Variants in TRANK1 observed in about 807,000 individuals in gnomAD.
TRANK1 encodes the protein TPR and ankyrin repeat-containing protein 1.
In TRANK1, 198 loss-of-function variants were observed where a neutral mutation model predicts 266.0. That is an observed-to-expected ratio of 0.74 (90% confidence interval 0.66 to 0.84). The LOEUF is 0.84. Among genes scored for constraint, TRANK1 ranks in the 40% least tolerant of loss-of-function variants. The probability of loss-of-function intolerance (pLI) is 0.00; values close to 1 mark genes in which losing one functional copy is unlikely to be tolerated. For synonymous variants in TRANK1, 1,396 were observed against 1,384.1 expected (o/e 1.01, Z -0.19); for missense variants, 3,326 against 3,634.6 (o/e 0.92, Z 2.18).
chr3:36,944,691 G>A, intron 1 of TRANK1, 96 bp downstream of exon 1: 8 of 1,418,052 alleles, frequency 5.6e-6, no homozygotes, highest in South Asian at 3.9e-5. Flanking sequence ...CGCTACCTCA[G>A]GGTCGCCAGT....
intron 10 of TRANK1, among the ~76,000 whole-genome samples, chr3:36,861,570 T>TGA (rs1409253399): frequency 6.6e-6 from 1 of 152,164 alleles, no homozygotes; most frequent in African/African-American, 2.4e-5. Flanking sequence ...AAGGTAACCA[T>TGA]GAGAGGATGG....
At chr3:36,849,185 C>G (rs1160276105) in intron 15 of TRANK1, among the ~76,000 whole-genome samples, 2 of 152,076 alleles carry the variant, frequency 1.3e-5, no homozygotes, top group East Asian at 1.9e-4. Context: ...AATTAGACAA[C>G]CCATAAAGGT....
chr3:36,919,605 T>C (rs779111718), intron 1 of TRANK1, among the ~76,000 whole-genome samples: 4 of 152,328 alleles, frequency 2.6e-5, no homozygotes, highest in South Asian at 4.1e-4. Flanking sequence ...TGTCTTTCAG[T>C]GAGTTATTTG....
intron 8 of TRANK1, among the ~76,000 whole-genome samples, chr3:36,884,189 A>C (rs535543371): frequency 7.2e-5 from 11 of 152,374 alleles, no homozygotes; most frequent in Middle Eastern, 3.4e-3. Flanking sequence ...GCAGAGAGAT[A>C]CAATAATACA....
chr3:36,887,161 C>T (rs1559454130), intron 8 of TRANK1, among the ~76,000 whole-genome samples: 1 of 151,926 alleles, frequency 6.6e-6, no homozygotes, highest in African/African-American at 2.4e-5. Context: ...GGTAGAGATA[C>T]GTAAAGAGGG....
intron 10 of TRANK1, among the ~76,000 whole-genome samples, chr3:36,862,422 T>C (rs2079155027): frequency 6.6e-6 from 1 of 152,222 alleles, no homozygotes; most frequent in South Asian, 2.1e-4. Flanking sequence ...TAGTCTATCA[T>C]CTTATTTTAA....
chr3:36,939,717 CT>C (rs757885944), intron 1 of TRANK1, among the ~76,000 whole-genome samples: 84 of 152,332 alleles, frequency 5.5e-4, no homozygotes, highest in Non-Finnish European at 1.0e-3. Context: ...ACAAAAAACA[CT>C]GCTGCCCCTT....
In TRANK1 at chr3:36,856,066, G is replaced by A. The variant is rs1451222470; in HGVS notation, c.3656C>T (p.Thr1219Ile). The change falls in exon 13 of 24, where the codon ACT becomes ATT. Residue 1219 changes from threonine to isoleucine, a missense_variant. Coordinates refer to ENST00000645898, the MANE Select transcript of TRANK1 (RefSeq NM_001329998.2). ...GGGGTCCAGTGGTTTGTAATGACTA[G>A]TGGCCTTGGTGGACTTGGAAAGCTC... is the stretch of plus-strand genomic sequence containing the variant. ...FIELSKSTKA[T>I]SHYKPLDPNI... The A allele has an allele frequency of 6.2e-7, 1 of 1,613,844 alleles. No individual in the cohort carries two copies. The highest frequency in any genetic ancestry group is 8.5e-7 in the Non-Finnish European group (1 of 1,179,874).
intron 2 of TRANK1, 82 bp from the exon 3 acceptor site, chr3:36,903,357 G>A: frequency 1.4e-6 from 2 of 1,467,490 alleles, no homozygotes; most frequent in Non-Finnish European, 1.8e-6. Context: ...GGTGCTGGCT[G>A]CTGCCATCAG....
chr3:36,926,162 C>A (rs2080285802), intron 1 of TRANK1, among the ~76,000 whole-genome samples: 1 of 152,128 alleles, frequency 6.6e-6, no homozygotes, highest in Admixed American at 6.6e-5. Context: ...CTTTACAGCC[C>A]TTCTTCTTTC....
rs1420312871 is a variant in TRANK1, at chr3:36,834,614, C to T, written c.5663+148G>A. The T allele has an allele frequency of 8.6e-6, 7 of 818,704 alleles. No individual in the cohort carries two copies. In the African/African-American group the frequency reaches 1.0e-4, roughly 12 times the overall value. 50.7% of individuals were successfully genotyped at this position (818,704 alleles called of 1,614,324 possible). A position where few individuals can be genotyped will look rare whatever the true frequency, so the allele number is the denominator to read the frequency against. ...AGTCCTGCTCTCAAAGAGCTGCTGA[C>T]CCAGCACTGAGGCCATCGCTTAAGT... On this transcript the variant is annotated intron_variant, in intron 21 of 23. Transcript: ENST00000645898.
chr3:36,833,209 T>G lies in TRANK1; in HGVS notation c.6374A>C (p.Lys2125Thr). The change falls in exon 22 of 24, where the codon AAG (lysine) becomes ACG (threonine). Residue 2125 changes from lysine to threonine, a missense_variant. Lys to Thr is a moderately conservative substitution (Grantham distance 78). Coordinates refer to ENST00000645898, the MANE Select transcript of TRANK1 (RefSeq NM_001329998.2). Reference protein sequence around the residue: ...EFFGISQVDAKYCQIAQNDPG... With the variant: ...EFFGISQVDATYCQIAQNDPG... ...GTCATTCTGAGCTATCTGGCAATAC[T>G]TGGCATCCACCTGGGAAATCCCAAA... The G allele has an allele frequency of 6.2e-7, 1 of 1,614,028 alleles. No individual in the cohort carries two copies. The highest frequency in any genetic ancestry group is 8.5e-7 in the Non-Finnish European group (1 of 1,179,880).
At chr3:36,917,968 A>T (rs1019617478) in intron 1 of TRANK1, among the ~76,000 whole-genome samples, 21 of 152,246 alleles carry the variant, frequency 1.4e-4, no homozygotes, top group African/African-American at 5.1e-4. Context: ...ACCCTAGAGG[A>T]AATTGAGGGA....
At chr3:36,878,386 C>G (rs1350493654) in intron 8 of TRANK1, among the ~76,000 whole-genome samples, 1 of 152,206 alleles carries the variant, frequency 6.6e-6, no homozygotes, top group Admixed American at 6.5e-5. Context: ...CTTTAGATTA[C>G]AAGACTTGGT....
In TRANK1 at chr3:36,856,832, G is replaced by A. The variant is rs543169267; in HGVS notation, c.2890C>T (p.Arg964Trp). Reference sequence around the variant, plus strand: ...TTCCGCAGGACACAGGACAAGCCCCGGTTGTAGGCATTGCAGATGGCCTTG... The same window carrying A: ...TTCCGCAGGACACAGGACAAGCCCCAGTTGTAGGCATTGCAGATGGCCTTG... ...SIKAICNAYN[R>W]GLSCVLRKKL... Residue 964 changes from arginine (R) to tryptophan (W), a missense_variant, in exon 13 of 24, where the codon CGG becomes TGG. Transcript: ENST00000645898. The A allele has an allele frequency of 3.6e-5, 58 of 1,614,006 alleles. 1 individual carries two copies. Among genetic ancestry groups the A allele is most frequent in the East Asian group, 6.7e-5 (3 of 44,888 alleles).
At position 36,855,825 on chromosome 3, in the gene TRANK1, C is replaced by T; in HGVS notation, c.3897G>A (p.Gly1299=). The change falls in exon 13 of 24, where the codon GGG becomes GGA. Residue 1299 remains glycine, a synonymous_variant. Coordinates refer to ENST00000645898, the MANE Select transcript of TRANK1 (RefSeq NM_001329998.2). ...CAGCTTTATCCTCCTCACTGTAGTC[C>T]CCATCCACCTCAGCCTCCTCTTCAT... The part of the protein sequence containing the change: ...QEDEEEAEVD[G]DYSEEDKAVE... 6.2e-7 allele frequency: 1 copy of T among 1,613,638 alleles called. No individual in the cohort carries two copies. Among genetic ancestry groups the T allele is most frequent in the Non-Finnish European group, 8.5e-7 (1 of 1,179,810 alleles).
intron 1 of TRANK1, among the ~76,000 whole-genome samples, chr3:36,918,057 A>G (rs556436367): frequency 6.6e-6 from 1 of 152,296 alleles, no homozygotes; most frequent in Non-Finnish European, 1.5e-5. Context: ...CATACAGTGG[A>G]GTACTATTTA....
chr3:36,859,658 C>A (rs2079108043), intron 11 of TRANK1, among the ~76,000 whole-genome samples: 1 of 152,170 alleles, frequency 6.6e-6, no homozygotes, highest in Non-Finnish European at 1.5e-5. Flanking sequence ...GGCAGACCCA[C>A]CCACTATAGA....
chr3:36,842,522 G>A lies in TRANK1; in HGVS notation c.5280+100C>T, dbSNP rs772791025. The A allele has an allele frequency of 2.8e-5, 29 of 1,031,540 alleles. 1 individual carries two copies. The highest frequency in any genetic ancestry group is 8.2e-5 in the South Asian group (6 of 73,292). 63.9% of individuals were successfully genotyped at this position (1,031,540 alleles called of 1,614,324 possible). A position where few individuals can be genotyped will look rare whatever the true frequency, so the allele number is the denominator to read the frequency against. On this transcript the variant is annotated intron_variant, in intron 18 of 23. Coordinates refer to ENST00000645898, the MANE Select transcript of TRANK1 (RefSeq NM_001329998.2). Reference sequence around the variant, plus strand: ...GAACACGTGGCACAAGCACCATTACGCTCATCCTTTCCTGGTGACAAACAC... The same window carrying A: ...GAACACGTGGCACAAGCACCATTACACTCATCCTTTCCTGGTGACAAACAC...
Sources: gnomAD v4.1 joint callset for allele counts (sites outside exome capture counted in the v4.1 genomes callset) on GRCh38, gnomAD v4.1.1 for gene constraint, MANE v1.5 for transcripts, NCBI Gene and HGNC (gene_info 2026-07-23, HGNC 2026-07-21) for gene names.